Variants in USP45 observed in about 807,000 individuals in gnomAD.
USP45 encodes ubiquitin carboxyl-terminal hydrolase 45.
USP45 carries 89 observed loss-of-function variants against 95.8 expected under a neutral mutation model. That is an observed-to-expected ratio of 0.93 (90% CI 0.78 to 1.11). The LOEUF (loss-of-function observed/expected upper bound fraction) is 1.11. Among genes scored for constraint, USP45 ranks in the 50% least tolerant of loss-of-function variants. The probability of loss-of-function intolerance (pLI) is 0.00; values close to 1 mark genes in which losing one functional copy is unlikely to be tolerated. For missense variants in USP45, 898 were observed against 942.5 expected (o/e 0.95, Z 0.62); for synonymous variants, 281 against 316.2 (o/e 0.89, Z 1.18).
Position 99,502,090 on chromosome 6 carries a change from A to G in USP45, c.478+1675T>C, listed in dbSNP as rs780303304. 139 of 1,225,092 alleles carry G rather than the reference A, an allele frequency of 1.1e-4. 1 individual carries two copies. Among genetic ancestry groups the G allele is most frequent in the Non-Finnish European group, 1.4e-4 (134 of 954,898 alleles). 75.9% of individuals were successfully genotyped at this position (1,225,092 alleles called of 1,614,324 possible). A position where few individuals can be genotyped will look rare whatever the true frequency, so the allele number is the denominator to read the frequency against. ...AATCAATATGGCCAATGATTCAATC[A>G]ATCATGCCTACACAATGAAATCCCA... On this transcript the variant is annotated intron_variant, in intron 5 of 17. Transcript: ENST00000500704.
chr6:99,514,621 A>G lies in USP45; in HGVS notation c.-11+771T>C, dbSNP rs1031867851. Among the ~76,000 whole-genome samples the G allele has an allele frequency of 2.0e-5, 3 of 152,240 alleles. No homozygotes were observed. The South Asian group carries it at 6.2e-4, about 31-fold the overall frequency. ...AGTAGGATGTGCAACTAAGTTGTTT[A>G]GAAAGCTTTGTTTTTAAACAGGCTA... is the stretch of plus-strand genomic sequence containing the variant. On this transcript the variant is annotated intron_variant, in intron 1 of 17. Transcript: ENST00000500704.
rs948381796 is a variant in USP45, at chr6:99,507,836, A to G, written c.274-305T>C. Among the ~76,000 whole-genome samples the G allele has an allele frequency of 2.6e-5, 4 of 152,200 alleles. 1 individual carries two copies. Among genetic ancestry groups the G allele is most frequent in the Non-Finnish European group, 5.9e-5 (4 of 68,022 alleles). ...AGGCCAGTGGTGCCCTTCTGCAAAC[A>G]CACATTTCCCAATCCCGTACACAAC... On this transcript the variant is annotated intron_variant, in intron 3 of 17. Coordinates refer to ENST00000500704, the MANE Select transcript of USP45 (RefSeq NM_001346022.3).
rs138645645 is a variant in USP45 at position 99,465,094 on chromosome 6, T to C, written c.1150A>G (p.Ile384Val). 37 of 1,599,472 alleles carry C rather than the reference T, an allele frequency of 2.3e-5. No homozygotes were observed. The highest frequency in any genetic ancestry group is 2.3e-5 in the South Asian group (2 of 88,338). Residue 384 changes from isoleucine (I) to valine (V), a missense_variant, in exon 12 of 18, where the codon ATA becomes GTA. Ile to Val is a conservative substitution (Grantham distance 29). Coordinates refer to ENST00000500704, the MANE Select transcript of USP45 (RefSeq NM_001346022.3). ...KDPFIDISLP[I>V]IEERVSKPLL... is the part of the protein sequence containing the mutation. ...CTTCTCCTTACCCTTTCTTCTATTA[T>C]AGGAAGTGAAATATCAATGAATGGA... is the stretch of plus-strand genomic sequence containing the variant.
intron 5 of USP45, among the ~76,000 whole-genome samples, chr6:99,490,027 GACATGGTTGACT>G (rs1328441395): frequency 2.0e-5 from 3 of 152,108 alleles, no homozygotes; most frequent in Non-Finnish European, 1.5e-5. Context: ...AACATTTACT[GACATGGTTGACT>G]ACATGTATTT....
chr6:99,507,466 G>A lies in USP45; in HGVS notation c.339C>T (p.Pro113=). The change falls in exon 4 of 18, where the codon CCC becomes CCT. Residue 113 remains proline (P), a synonymous_variant. Transcript: ENST00000500704. ...TGCTCAGATTAATTATAATACAATG[G>A]GGCTCTGTTCTGGAACTCTTAAAGT... ...LKHFKSSRTE[P]HCIIINLSTW... 5 of 1,612,506 alleles carry A rather than the reference G, an allele frequency of 3.1e-6. No individual in the cohort carries two copies. Among genetic ancestry groups the A allele is most frequent in the Non-Finnish European group, 4.2e-6 (5 of 1,179,272 alleles).
chr6:99,440,200 T>A (rs1781260205), intron 15 of USP45, among the ~76,000 whole-genome samples: 1 of 152,206 alleles, frequency 6.6e-6, no homozygotes, highest in Non-Finnish European at 1.5e-5. Context: ...GTAAACAGAT[T>A]GGTGTTCTAG....
chr6:99,494,574 T>TA (rs1178866165), intron 5 of USP45, among the ~76,000 whole-genome samples: 4 of 152,140 alleles, frequency 2.6e-5, no homozygotes, highest in Non-Finnish European at 5.9e-5. Context: ...CTTCAACACT[T>TA]AGAGATCCTA....
chr6:99,501,843 T>C, intron 5 of USP45: 1 of 1,162,492 alleles, frequency 8.6e-7, no homozygotes, highest in South Asian at 1.7e-5. Context: ...CTCCCCAGGT[T>C]CCTGGGAAGT....
At chr6:99,459,689 G>C (rs1785946636) in intron 13 of USP45, among the ~76,000 whole-genome samples, 1 of 152,076 alleles carries the variant, frequency 6.6e-6, no homozygotes, top group African/African-American at 2.4e-5. Context: ...GGTGTGACAT[G>C]GTATCTCATT....
chr6:99,465,395 TA>T (rs1271109004), intron 11 of USP45, among the ~76,000 whole-genome samples: 20 of 152,138 alleles, frequency 1.3e-4, no homozygotes, highest in East Asian at 9.6e-4. Flanking sequence ...TAAAATAACT[TA>T]AAAAAACTGT....
rs1284217605 is a variant in USP45, at chr6:99,433,458, T to C, written c.*2258A>G. ...CATTTACTATCCCTGCAAATGTGCT[T>C]TGGAAATAATAACAAAAATTTTAAG... On this transcript the variant is annotated 3_prime_UTR_variant, in exon 18 of 18. Transcript: ENST00000500704. 6.6e-6 allele frequency: 1 copy of C among 152,634 alleles called. No homozygotes were observed. The highest frequency in any genetic ancestry group is 2.4e-5 in the African/African-American group (1 of 41,462). 9.5% of individuals were successfully genotyped at this position (152,634 alleles called of 1,614,324 possible). A position where few individuals can be genotyped will look rare whatever the true frequency, so the allele number is the denominator to read the frequency against.
chr6:99,500,537 A>C (rs1055499481), intron 5 of USP45, among the ~76,000 whole-genome samples: 1 of 152,184 alleles, frequency 6.6e-6, no homozygotes, highest in African/African-American at 2.4e-5. Flanking sequence ...CTTTGTACTT[A>C]ACCTTAGGGA....
At position 99,508,792 on chromosome 6, in the gene USP45, A is replaced by G; in HGVS notation, c.101-10T>C. The G allele has an allele frequency of 6.3e-7, 1 of 1,597,044 alleles. No homozygotes were observed. The highest frequency in any genetic ancestry group is 1.1e-5 in the South Asian group (1 of 87,796). On this transcript the variant is annotated splice_polypyrimidine_tract_variant and intron_variant, in intron 2 of 17. Transcript: ENST00000500704. ...TGGCAAGTTAAACCTACTGAATAAG[A>G]TAAAACAAAATCTCAACATTTTCTT...
chr6:99,462,612 T>G, intron 13 of USP45: 1 of 985,374 alleles, frequency 1.0e-6, no homozygotes, highest in East Asian at 1.1e-4. Flanking sequence ...GAAGCAAAAT[T>G]AGCTTTTATT....
intron 13 of USP45, among the ~76,000 whole-genome samples, chr6:99,452,040 C>A (rs570079174): frequency 5.1e-4 from 77 of 152,100 alleles, no homozygotes; most frequent in Non-Finnish European, 4.9e-4. Flanking sequence ...CAAGATGGAT[C>A]AAAGACTTAC....
intron 13 of USP45, among the ~76,000 whole-genome samples, chr6:99,449,473 C>T (rs950990893): frequency 6.6e-6 from 1 of 151,974 alleles, no homozygotes; most frequent in Non-Finnish European, 1.5e-5. Context: ...GCTAACTATC[C>T]TAAATATATA....
At chr6:99,487,968 C>T (rs182787354) in intron 7 of USP45, among the ~76,000 whole-genome samples, 7 of 152,260 alleles carry the variant, frequency 4.6e-5, no homozygotes, top group African/African-American at 1.4e-4. Flanking sequence ...TATTTTAAAG[C>T]TGCCTTGATA....
chr6:99,468,594 C>T lies in USP45; in HGVS notation c.958G>A (p.Ala320Thr). The T allele has an allele frequency of 6.2e-7, 1 of 1,608,100 alleles. No individual in the cohort carries two copies. Among genetic ancestry groups the T allele is most frequent in the Non-Finnish European group, 8.5e-7 (1 of 1,176,352 alleles). ...TKRIQASILK[A>T]FNNPTTKTAD... ...GTTTTAGTAGTTGGGTTGTTAAATG[C>T]TTTTAGAATGCTAGCTTGTATTCGC... Residue 320 changes from alanine to threonine, a missense_variant, in exon 10 of 18, where the codon GCA becomes ACA. Ala to Thr is a moderately conservative substitution (Grantham distance 58, BLOSUM62 0). Transcript: ENST00000500704.
chr6:99,505,376 T>C (rs911588512), intron 4 of USP45, among the ~76,000 whole-genome samples: 11 of 152,252 alleles, frequency 7.2e-5, no homozygotes, highest in Admixed American at 5.2e-4. Flanking sequence ...ATAAATGTAA[T>C]GCATTATGGC....
Sources: gnomAD v4.1 joint callset for allele counts (sites outside exome capture counted in the v4.1 genomes callset) on GRCh38, gnomAD v4.1.1 for gene constraint, MANE v1.5 for transcripts, NCBI Gene and HGNC (gene_info 2026-07-23, HGNC 2026-07-21) for gene names.